KHDRBS2: variants seen among roughly 807,000 people sequenced by gnomAD.
KHDRBS2 encodes the protein KH RNA binding domain containing, signal transduction associated 2, also known as KH domain-containing, RNA-binding, signal transduction-associated protein 2.
A neutral mutation model predicts 44.3 loss-of-function variants in KHDRBS2; 26 were observed. The ratio of observed to expected loss-of-function variants is 0.59; its 90% CI spans 0.43 to 0.81. The LOEUF is 0.81. KHDRBS2 is among the 40% of genes least tolerant of loss of function. KHDRBS2 has a pLI of 0.00. For synonymous variants in KHDRBS2, 194 were observed against 151.1 expected (o/e 1.28, Z -2.08); for missense variants, 476 against 433.1 (o/e 1.10, Z -0.88).
At chr6:62,263,154 A>G (rs1838644161) in intron 1 of KHDRBS2, among the ~76,000 whole-genome samples, 1 of 151,788 alleles carries the variant, frequency 6.6e-6, no homozygotes, top group African/African-American at 2.4e-5. Flanking sequence ...TGCCATTTGC[A>G]GTAAGTGTAC....
At chr6:61,797,029 C>T (rs566602194) in intron 6 of KHDRBS2, among the ~76,000 whole-genome samples, 7 of 151,984 alleles carry the variant, frequency 4.6e-5, no homozygotes, top group African/African-American at 1.2e-4. Flanking sequence ...CAGAATAAAA[C>T]GAAGTAGTCT....
chr6:61,623,096 G>A, the KHDRBS2 span, among the ~76,000 whole-genome samples: 2 of 151,892 alleles, frequency 1.3e-5, no homozygotes, highest in African/African-American at 4.8e-5. Flanking sequence ...GTCAATGAGG[G>A]GGCTGTTTTA....
intron 2 of KHDRBS2, among the ~76,000 whole-genome samples, chr6:62,076,060 T>C (rs1331106265): frequency 6.6e-6 from 1 of 151,966 alleles, no homozygotes; most frequent in East Asian, 1.9e-4. Flanking sequence ...TCCACATATC[T>C]CAATATTGCT....
chr6:61,665,814 T>C, the KHDRBS2 span, among the ~76,000 whole-genome samples: 6 of 151,110 alleles, frequency 4.0e-5, no homozygotes, highest in African/African-American at 1.4e-4. Context: ...ATTTTGAAAT[T>C]TAATTCCATC....
Position 61,982,882 on chromosome 6 carries a change from T to A in KHDRBS2, c.337-4670A>T, listed in dbSNP as rs1437459580. Among the ~76,000 whole-genome samples the A allele has an allele frequency of 2.0e-5, 3 of 152,142 alleles. No homozygotes were observed. The East Asian group carries it at 5.8e-4, about 29-fold the overall frequency. ...GTTCTTTAATGTCCTGTTTTCTGAA[T>A]TTAAGGAACTCTTTTCTCTTTTCTC... On this transcript the variant is annotated intron_variant, in intron 3 of 8. Coordinates refer to ENST00000281156, the MANE Select transcript of KHDRBS2 (RefSeq NM_152688.4).
At chr6:61,772,684 C>A (rs1781154865) in intron 6 of KHDRBS2, among the ~76,000 whole-genome samples, 2 of 151,724 alleles carry the variant, frequency 1.3e-5, no homozygotes, top group South Asian at 2.1e-4. Context: ...TACATGTGCA[C>A]AATGTGCACA....
chr6:61,742,072 T>C (rs1216663424), intron 6 of KHDRBS2, among the ~76,000 whole-genome samples: 3 of 151,976 alleles, frequency 2.0e-5, no homozygotes, highest in Non-Finnish European at 4.4e-5. Context: ...AAATATTCTA[T>C]AATTAAGTAA....
intron 6 of KHDRBS2, among the ~76,000 whole-genome samples, chr6:61,857,221 T>A (rs934939199): frequency 1.3e-5 from 2 of 152,064 alleles, no homozygotes; most frequent in Admixed American, 6.6e-5. Flanking sequence ...AATGGGAAAA[T>A]TTTCTGTTGA....
chr6:62,081,261 T>C (rs1330016658), intron 2 of KHDRBS2, among the ~76,000 whole-genome samples: 9 of 152,246 alleles, frequency 5.9e-5, no homozygotes, highest in Middle Eastern at 3.4e-3. Flanking sequence ...AAAATGAATA[T>C]AATAATGAAG....
intron 6 of KHDRBS2, among the ~76,000 whole-genome samples, chr6:61,864,020 G>A (rs1306980577): frequency 1.3e-5 from 2 of 152,082 alleles, no homozygotes; most frequent in African/African-American, 4.8e-5. Flanking sequence ...TTGTTGAATT[G>A]AACTCCTTAC....
At chr6:61,982,837 CTTTG>C (rs966929504) in intron 3 of KHDRBS2, among the ~76,000 whole-genome samples, 2 of 152,048 alleles carry the variant, frequency 1.3e-5, no homozygotes, top group African/African-American at 4.8e-5. Context: ...TTGTTATGGC[CTTTG>C]TTTGAAACAG....
At chr6:61,646,912 G>A in the KHDRBS2 span, among the ~76,000 whole-genome samples, 1 of 151,862 alleles carries the variant, frequency 6.6e-6, no homozygotes, top group African/African-American at 2.4e-5. Flanking sequence ...CTCCTCCTCC[G>A]GGGTTCAAGT....
chr6:61,993,651 A>AT (rs1491213620), intron 3 of KHDRBS2, among the ~76,000 whole-genome samples: 1 of 35,542 alleles, frequency 2.8e-5, no homozygotes, highest in Admixed American at 3.6e-4. Context: ...CCATAAAATC[A>AT]TATATATATA....
the KHDRBS2 span, among the ~76,000 whole-genome samples, chr6:61,558,087 A>T: frequency 7.9e-4 from 120 of 151,946 alleles, no homozygotes; most frequent in African/African-American, 2.9e-3. Flanking sequence ...TTTTTGTTTC[A>T]TTGACCTTTT....
At chr6:62,126,243 G>C (rs1808943195) in intron 2 of KHDRBS2, among the ~76,000 whole-genome samples, 1 of 152,184 alleles carries the variant, frequency 6.6e-6, no homozygotes, top group South Asian at 2.1e-4. Context: ...GTGGCCGTGG[G>C]GAGAGATTCC....
intron 1 of KHDRBS2, among the ~76,000 whole-genome samples, chr6:62,193,783 A>C (rs1585141191): frequency 6.6e-6 from 1 of 152,242 alleles, no homozygotes; most frequent in South Asian, 2.1e-4. Context: ...GCATGTATGC[A>C]ATGTTATTTC....
intron 6 of KHDRBS2, among the ~76,000 whole-genome samples, chr6:61,733,710 T>G (rs769255638): frequency 1.1e-4 from 16 of 152,194 alleles, no homozygotes; most frequent in Non-Finnish European, 2.2e-4. Flanking sequence ...CTAACAAAGC[T>G]AATGCAGATT....
intron 7 of KHDRBS2, among the ~76,000 whole-genome samples, chr6:61,697,655 T>G (rs1768061434): frequency 6.6e-6 from 1 of 152,152 alleles, no homozygotes; most frequent in African/African-American, 2.4e-5. Flanking sequence ...TTTTTCACTT[T>G]GAAACACTAA....
chr6:61,974,483 A>G (rs1772094886), intron 4 of KHDRBS2, among the ~76,000 whole-genome samples: 1 of 152,186 alleles, frequency 6.6e-6, no homozygotes, highest in Non-Finnish European at 1.5e-5. Flanking sequence ...TCATCAAAAA[A>G]TTTATTTTAC....
Sources: gnomAD v4.1 joint callset for allele counts (sites outside exome capture counted in the v4.1 genomes callset) on GRCh38, gnomAD v4.1.1 for gene constraint, MANE v1.5 for transcripts, NCBI Gene and HGNC (gene_info 2026-07-23, HGNC 2026-07-21) for gene names.